Variants in LRP6 observed in about 807,000 individuals in gnomAD.
The protein encoded by LRP6 is LDL receptor related protein 6, also known as low-density lipoprotein receptor-related protein 6.
In LRP6, 43 loss-of-function variants were observed where a neutral mutation model predicts 184.1. The observed-to-expected ratio is 0.23, with a 90% CI of 0.18 to 0.30. The LOEUF (loss-of-function observed/expected upper bound fraction) is 0.30, where lower values mean the gene tolerates loss of function less well. Among genes scored for constraint, LRP6 ranks in the 10% least tolerant of loss-of-function variants. The probability of loss-of-function intolerance (pLI) is 1.00; values close to 1 mark genes in which losing one functional copy is unlikely to be tolerated. For missense variants in LRP6, 1,571 were observed against 2,005.3 expected (o/e 0.78, Z 4.14); for synonymous variants, 719 against 684.9 (o/e 1.05, Z -0.78).
Position 12,121,093 on chromosome 12 carries a change from C to A in LRP6, c.*33G>T. 1 of 1,546,060 alleles carries A rather than the reference C, an allele frequency of 6.5e-7. No individual in the cohort carries two copies. Among genetic ancestry groups the A allele is most frequent in the South Asian group, 1.2e-5 (1 of 80,544 alleles). Reference sequence around the variant, plus strand: ...AACCAAATTTATATTTACATTTTTACGTTGGAGGCAGTCAGAGGAGGAGGG... The same window carrying A: ...AACCAAATTTATATTTACATTTTTAAGTTGGAGGCAGTCAGAGGAGGAGGG... On this transcript the variant is annotated 3_prime_UTR_variant, in exon 23 of 23. Transcript: ENST00000261349.
chr12:12,258,999 C>T (rs1208974336), intron 1 of LRP6, among the ~76,000 whole-genome samples: 3 of 152,182 alleles, frequency 2.0e-5, no homozygotes, highest in Non-Finnish European at 4.4e-5. Context: ...AGCAGGCTCA[C>T]GCCTGTAAGC....
rs987228636 is a variant in LRP6 at position 12,266,991 on chromosome 12, TC to T, written c.-257del. The T allele has an allele frequency of 3.3e-5, 17 of 519,954 alleles. No individual in the cohort carries two copies. In the East Asian group the frequency reaches 4.9e-4, roughly 15 times the overall value. 32.2% of individuals were successfully genotyped at this position (519,954 alleles called of 1,614,324 possible). ...CCGCCTCCTCCCCCGGCGCCCCGCT[TC>T]CCCCGCGCAGCTCCTCATTCAGCCT... On this transcript the variant is annotated 5_prime_UTR_variant, in exon 1 of 23. An upstream open reading frame in the 5' UTR gains an earlier in-frame stop. Transcript: ENST00000261349.
chr12:12,166,423 C>T (rs780008525), intron 7 of LRP6, among the ~76,000 whole-genome samples: 15 of 152,096 alleles, frequency 9.9e-5, no homozygotes, highest in African/African-American at 1.4e-4. Flanking sequence ...TTAGGGAGCA[C>T]CCAACACAGA....
At chr12:12,138,999 A>C in intron 15 of LRP6, 3 of 1,326,566 alleles carry the variant, frequency 2.3e-6, no homozygotes, top group Non-Finnish European at 3.0e-6. Context: ...ATTTCTAATC[A>C]TCTCAGACAT....
intron 18 of LRP6, among the ~76,000 whole-genome samples, chr12:12,131,137 T>C (rs1949749825): frequency 6.9e-6 from 1 of 145,580 alleles, no homozygotes; most frequent in Admixed American, 7.0e-5. Flanking sequence ...AGACGGAGTC[T>C]TGCTCTGTCG....
intron 1 of LRP6, among the ~76,000 whole-genome samples, chr12:12,251,616 C>G (rs1199865269): frequency 6.6e-6 from 1 of 152,050 alleles, no homozygotes; most frequent in Non-Finnish European, 1.5e-5. Flanking sequence ...GATCCACCCA[C>G]CTCGACCTCC....
At chr12:12,166,120 T>C (rs1353261531) in intron 7 of LRP6, among the ~76,000 whole-genome samples, 2 of 152,000 alleles carry the variant, frequency 1.3e-5, no homozygotes, top group African/African-American at 4.8e-5. Flanking sequence ...TTTGGGGGGG[T>C]AGGAGCAGAT....
chr12:12,235,615 A>G (rs1864912089), intron 2 of LRP6, among the ~76,000 whole-genome samples: 2 of 152,050 alleles, frequency 1.3e-5, no homozygotes, highest in South Asian at 4.2e-4. Context: ...CTGTAATCCC[A>G]GCTACTCGGG....
chr12:12,153,723 T>C (rs866189078), intron 12 of LRP6, among the ~76,000 whole-genome samples: 84 of 152,338 alleles, frequency 5.5e-4, no homozygotes, highest in Middle Eastern at 6.8e-3. Flanking sequence ...CTCTCTCACA[T>C]TTCCTTCAGA....
At chr12:12,130,069 C>A (rs1949726693) in intron 19 of LRP6, among the ~76,000 whole-genome samples, 1 of 152,094 alleles carries the variant, frequency 6.6e-6, no homozygotes. Flanking sequence ...TTATAGGCAT[C>A]AGGTTAAGCA....
chr12:12,241,942 C>T (rs1012045921), intron 2 of LRP6, among the ~76,000 whole-genome samples: 2 of 151,990 alleles, frequency 1.3e-5, no homozygotes, highest in Admixed American at 6.6e-5. Flanking sequence ...AATCAAATGG[C>T]GAAATTACTT....
At chr12:12,248,117 A>G (rs1423142596) in intron 1 of LRP6, among the ~76,000 whole-genome samples, 1 of 152,150 alleles carries the variant, frequency 6.6e-6, no homozygotes, top group Admixed American at 6.6e-5. Flanking sequence ...CCTTGTCCTC[A>G]GTCTCAAATG....
intron 8 of LRP6, 124 bp downstream of exon 8, chr12:12,164,955 A>AAAAAAAAAAT: frequency 3.8e-6 from 2 of 528,564 alleles, no homozygotes; most frequent in Non-Finnish European, 6.6e-6. Flanking sequence ...AAAAAAAAAA[A>AAAAAAAAAAT]GGCGGGGGGG....
intron 2 of LRP6, among the ~76,000 whole-genome samples, chr12:12,220,483 C>A (rs1864458544): frequency 6.6e-6 from 1 of 152,142 alleles, no homozygotes; most frequent in South Asian, 2.1e-4. Flanking sequence ...GTTCTTCTAC[C>A]CTTTAGGAAA....
At chr12:12,228,543 C>T (rs770572137) in intron 2 of LRP6, among the ~76,000 whole-genome samples, 1 of 152,160 alleles carries the variant, frequency 6.6e-6, no homozygotes, top group Non-Finnish European at 1.5e-5. Context: ...GGCTGTGGAC[C>T]AGTAGCAGTC....
At chr12:12,253,817 A>C (rs922167393) in intron 1 of LRP6, among the ~76,000 whole-genome samples, 6 of 152,092 alleles carry the variant, frequency 3.9e-5, no homozygotes, top group Non-Finnish European at 8.8e-5. Flanking sequence ...CTTGCAAATC[A>C]GCTACAGGCC....
chr12:12,240,535 G>A (rs962046765), intron 2 of LRP6, among the ~76,000 whole-genome samples: 1 of 152,116 alleles, frequency 6.6e-6, no homozygotes, highest in African/African-American at 2.4e-5. Context: ...TCGCGCCACT[G>A]CACTCCAGCC....
intron 12 of LRP6, among the ~76,000 whole-genome samples, chr12:12,154,971 G>A (rs1950130579): frequency 6.6e-6 from 1 of 152,142 alleles, no homozygotes; most frequent in South Asian, 2.1e-4. Flanking sequence ...CAAGGCTGGT[G>A]GATCACCTGA....
Position 12,159,928 on chromosome 12 carries a change from C to T in LRP6, c.2316G>A (p.Lys772=). 3.1e-6 allele frequency: 5 copies of T among 1,613,724 alleles called. No individual in the cohort carries two copies. Among genetic ancestry groups the T allele is most frequent in the Non-Finnish European group, 3.4e-6 (4 of 1,179,816 alleles). The part of the protein sequence containing the change: ...MYWTEWGGKP[K]IDRAAMDGSE... The stretch of plus-strand genomic sequence containing the variant: ...TTCCATCCATTGCAGCTCTGTCTAT[C>T]TTAGGTTTTCCACCCCATTCAGTCC... The change falls in exon 11 of 23, where the codon AAG becomes AAA. Residue 772 remains lysine (K), a synonymous_variant. Coordinates refer to ENST00000261349, the MANE Select transcript of LRP6 (RefSeq NM_002336.3).
Sources: gnomAD v4.1 joint callset for allele counts (sites outside exome capture counted in the v4.1 genomes callset) on GRCh38, gnomAD v4.1.1 for gene constraint, MANE v1.5 for transcripts, NCBI Gene and HGNC (gene_info 2026-07-23, HGNC 2026-07-21) for gene names.